Variants in UGT2B11 observed in about 807,000 individuals in gnomAD.
UGT2B11 encodes UDP-glucuronosyltransferase 2B11.
A neutral mutation model predicts 51.7 loss-of-function variants in UGT2B11; 49 were observed. That is an observed-to-expected ratio of 0.95 (90% CI 0.75 to 1.20). The LOEUF is 1.20. Among genes scored for constraint, UGT2B11 ranks in the 50% most tolerant of loss-of-function variants. The pLI, the probability that UGT2B11 is intolerant of heterozygous loss-of-function variation, is 0.00. For missense variants in UGT2B11, 810 were observed against 622.1 expected (o/e 1.30, Z -3.21); for synonymous variants, 273 against 209.0 (o/e 1.31, Z -2.64).
Position 69,211,889 on chromosome 4 carries a change from A to T in UGT2B11, c.870+684T>A, listed in dbSNP as rs145815988. 4.4e-3 allele frequency among the ~76,000 whole-genome samples: 663 copies of T among 151,648 alleles called. 8 individuals carry two copies. The highest frequency in any genetic ancestry group is 0.015 in the African/African-American group (635 of 41,492). On this transcript the variant is annotated intron_variant, in intron 2 of 5. Transcript: ENST00000446444. ...ACTCTTAAGAAATATTTCCACTACT[A>T]ATATGTATCCGGCTCTAATTTACCT...
upstream of UGT2B11, among the ~76,000 whole-genome samples, chr4:69,219,707 C>A (rs1722364029): frequency 6.6e-6 from 1 of 152,088 alleles, no homozygotes; most frequent in Non-Finnish European, 1.5e-5. Context: ...ACTATAAGAT[C>A]TCAAGACACT....
chr4:69,219,883 A>C, the UGT2B11 span, among the ~76,000 whole-genome samples: 1 of 152,118 alleles, frequency 6.6e-6, no homozygotes, highest in Non-Finnish European at 1.5e-5. Context: ...GCCCCTTCCA[A>C]ATATCAGGTC....
chr4:69,220,057 A>C, the UGT2B11 span, among the ~76,000 whole-genome samples: 1 of 152,316 alleles, frequency 6.6e-6, no homozygotes, highest in Non-Finnish European at 1.5e-5. Flanking sequence ...TACAATGAAG[A>C]AACAGGCATT....
intron 5 of UGT2B11, among the ~76,000 whole-genome samples, chr4:69,203,631 A>G (rs1485062653): frequency 6.6e-6 from 1 of 151,784 alleles, no homozygotes; most frequent in Non-Finnish European, 1.5e-5. Flanking sequence ...TATCCATACT[A>G]TAAAATATTA....
At chr4:69,218,638 T>C (rs1577969843), upstream of UGT2B11, among the ~76,000 whole-genome samples, 1 of 151,906 alleles carries the variant, frequency 6.6e-6, no homozygotes, top group Non-Finnish European at 1.5e-5. Flanking sequence ...GGGCCTTGAT[T>C]CAGACACCGA....
intron 3 of UGT2B11, among the ~76,000 whole-genome samples, chr4:69,206,142 A>G (rs1439843977): frequency 2.6e-5 from 4 of 151,474 alleles, no homozygotes; most frequent in African/African-American, 9.7e-5. Flanking sequence ...GCAAAGGACT[A>G]TAACTGGTTC....
At chr4:69,212,537 A>G in intron 2 of UGT2B11, 36 bp downstream of exon 2, 4 of 1,591,712 alleles carry the variant, frequency 2.5e-6, no homozygotes, top group Non-Finnish European at 3.4e-6. Context: ...TGAAACTTCG[A>G]AGCCAACAAA....
chr4:69,216,572 G>A (rs546381095), upstream of UGT2B11: 7 of 151,390 alleles, frequency 4.6e-5, no homozygotes, highest in South Asian at 1.0e-3. Flanking sequence ...GCACATTCTC[G>A]CAGGATTCAG....
upstream of UGT2B11, among the ~76,000 whole-genome samples, chr4:69,217,730 A>G (rs558161900): frequency 2.0e-5 from 3 of 152,198 alleles, no homozygotes; most frequent in East Asian, 3.9e-4. Flanking sequence ...GATGAAACCT[A>G]TGCTGAGACT....
the UGT2B11 span, among the ~76,000 whole-genome samples, chr4:69,223,316 G>A: frequency 2.6e-5 from 4 of 152,064 alleles, no homozygotes; most frequent in South Asian, 2.1e-4. Flanking sequence ...AGGGATGCCC[G>A]CACCGCTGGT....
chr4:69,214,171 A>G lies in UGT2B11; in HGVS notation c.552T>C (p.Ser184=), dbSNP rs147038159. The G allele has an allele frequency of 6.2e-7, 1 of 1,612,900 alleles. No individual in the cohort carries two copies. Among genetic ancestry groups the G allele is most frequent in the Non-Finnish European group, 8.5e-7 (1 of 1,179,336 alleles). ...AGGAAGGAGGGAAAATCAGTCCTCCACTGTGCCTTTCAATTGTGTAGCCAG... is the reference window on the plus strand; with the variant it reads ...AGGAAGGAGGGAAAATCAGTCCTCCGCTGTGCCTTTCAATTGTGTAGCCAG... ...FTPGYTIERH[S]GGLIFPPSYI... is the part of the protein sequence containing the mutation. Residue 184 remains serine (S), a synonymous_variant, in exon 1 of 6, where the codon AGT becomes AGC. Transcript: ENST00000446444.
chr4:69,207,806 T>C (rs1003526074), intron 3 of UGT2B11, among the ~76,000 whole-genome samples: 1 of 151,602 alleles, frequency 6.6e-6, no homozygotes, highest in African/African-American at 2.4e-5. Context: ...CGGTAAGTAA[T>C]AGAGGTGGCC....
chr4:69,217,088 C>T (rs1218446291), upstream of UGT2B11, among the ~76,000 whole-genome samples: 2 of 152,066 alleles, frequency 1.3e-5, no homozygotes, highest in Admixed American at 1.3e-4. Flanking sequence ...TACTTTGCTT[C>T]ATTTGCAAAT....
At chr4:69,217,384 A>G (rs1462652771), upstream of UGT2B11, among the ~76,000 whole-genome samples, 1 of 152,160 alleles carries the variant, frequency 6.6e-6, no homozygotes, top group Non-Finnish European at 1.5e-5. Flanking sequence ...AGGATGTTGG[A>G]ACACAGTTTC....
At chr4:69,215,720 A>G (rs1722252198), upstream of UGT2B11, 1 of 151,914 alleles carries the variant, frequency 6.6e-6, no homozygotes, top group Non-Finnish European at 1.5e-5. Context: ...TGAGTGAATA[A>G]TTTTCTATTC....
intron 3 of UGT2B11, among the ~76,000 whole-genome samples, chr4:69,206,903 T>C (rs1252736644): frequency 1.3e-5 from 2 of 151,562 alleles, no homozygotes; most frequent in Non-Finnish European, 3.0e-5. Flanking sequence ...ATTGACAAAA[T>C]AGCAAGTCTA....
the UGT2B11 span, among the ~76,000 whole-genome samples, chr4:69,221,973 T>G: frequency 0.17 from 23,100 of 138,278 alleles, no homozygotes; most frequent in Middle Eastern, 0.22. Context: ...TGTTGAACAC[T>G]CTTTCTTAAA....
chr4:69,199,955 A>G lies in UGT2B11; in HGVS notation c.*485T>C, dbSNP rs1252223729. The G allele has an allele frequency of 6.5e-6, 1 of 153,080 alleles. No individual in the cohort carries two copies. The highest frequency in any genetic ancestry group is 6.5e-5 in the Admixed American group (1 of 15,312). The allele number at this position is 153,080 out of a possible 1,614,324, so 9.5% of individuals were successfully genotyped here. On this transcript the variant is annotated 3_prime_UTR_variant, in exon 6 of 6. Coordinates refer to ENST00000446444, the MANE Select transcript of UGT2B11 (RefSeq NM_001073.3). The stretch of plus-strand genomic sequence containing the variant: ...AAGGAAGAGAGAGACTTTATATACA[A>G]TTTAACTATGTAATAGTTTCTTTAG...
intron 2 of UGT2B11, among the ~76,000 whole-genome samples, chr4:69,208,948 C>T (rs1328934426): frequency 6.6e-6 from 1 of 151,644 alleles, no homozygotes; most frequent in Non-Finnish European, 1.5e-5. Context: ...GTCTACTTCC[C>T]TAAATATGAG....
Sources: gnomAD v4.1 joint callset for allele counts (sites outside exome capture counted in the v4.1 genomes callset) on GRCh38, gnomAD v4.1.1 for gene constraint, MANE v1.5 for transcripts, NCBI Gene and HGNC (gene_info 2026-07-23, HGNC 2026-07-21) for gene names.